Variants in PIK3CB observed in about 807,000 individuals in gnomAD.
The protein encoded by PIK3CB is phosphatidylinositol 4,5-bisphosphate 3-kinase catalytic subunit beta isoform.
A neutral mutation model predicts 136.8 loss-of-function variants in PIK3CB; 39 were observed. That is an observed-to-expected ratio of 0.29 (90% CI 0.22 to 0.37). PIK3CB has a LOEUF of 0.37. Among genes scored for constraint, PIK3CB ranks in the 10% least tolerant of loss-of-function variants. The pLI, the probability that PIK3CB is intolerant of heterozygous loss-of-function variation, is 1.00. For synonymous variants in PIK3CB, 428 were observed against 436.6 expected, an observed-to-expected ratio of 0.98 and a Z score of 0.25; for missense variants, 868 against 1,275.4, an observed-to-expected ratio of 0.68 and a Z score of 4.87.
intron 12 of PIK3CB, among the ~76,000 whole-genome samples, chr3:138,700,580 G>C (rs2044228762): frequency 1.3e-5 from 2 of 151,650 alleles, no homozygotes; most frequent in African/African-American, 4.8e-5. Context: ...TTAAAAAAAA[G>C]AAGAAAGAAA....
At chr3:138,662,267 C>G (rs1329838507) in intron 21 of PIK3CB, among the ~76,000 whole-genome samples, 1 of 118,090 alleles carries the variant, frequency 8.5e-6, no homozygotes, top group Non-Finnish European at 1.6e-5. Context: ...CCCGCTCCCC[C>G]CACCCCGCAA....
intron 1 of PIK3CB, among the ~76,000 whole-genome samples, chr3:138,804,477 T>G (rs2108849802): frequency 6.6e-6 from 1 of 152,206 alleles, no homozygotes. Flanking sequence ...ATCATGCCAC[T>G]GCACTCAGCC....
intron 1 of PIK3CB, among the ~76,000 whole-genome samples, chr3:138,799,014 A>G (rs1240395877): frequency 6.6e-6 from 1 of 151,852 alleles, no homozygotes; most frequent in Non-Finnish European, 1.5e-5. Flanking sequence ...TTGAGCCCAT[A>G]AGTTCAAGAC....
At chr3:138,779,995 T>C (rs1406215864) in intron 2 of PIK3CB, among the ~76,000 whole-genome samples, 2 of 152,184 alleles carry the variant, frequency 1.3e-5, no homozygotes, top group Admixed American at 6.5e-5. Context: ...TCTCGCTCTG[T>C]TGCCCAGGCT....
chr3:138,724,758 C>T (rs1429922767), intron 8 of PIK3CB, among the ~76,000 whole-genome samples: 1 of 152,158 alleles, frequency 6.6e-6, no homozygotes, highest in Non-Finnish European at 1.5e-5. Context: ...GCTCCTATCA[C>T]TCAGGAAATG....
chr3:138,824,808 G>A (rs1280305040), intron 1 of PIK3CB, among the ~76,000 whole-genome samples: 1 of 151,596 alleles, frequency 6.6e-6, no homozygotes. Flanking sequence ...CAGCTCTTTG[G>A]GAGGCCAAGC....
At chr3:138,684,915 C>T in intron 16 of PIK3CB, 112 bp from the exon 17 acceptor site, 1 of 614,406 alleles carries the variant, frequency 1.6e-6, no homozygotes, top group Non-Finnish European at 2.7e-6. Flanking sequence ...TAACCATAAA[C>T]ACACATAACC....
intron 6 of PIK3CB, among the ~76,000 whole-genome samples, chr3:138,737,394 C>CAAAAAAAAAAAAAAAAAAAAA (rs11344311): frequency 2.6e-5 from 1 of 39,066 alleles, no homozygotes. Flanking sequence ...CACTCTGTCT[C>CAAAAAAAAAAAAAAAAAAAAA]AAAAAAAAAA....
intron 8 of PIK3CB, among the ~76,000 whole-genome samples, chr3:138,730,043 A>G (rs2044936287): frequency 6.6e-6 from 1 of 152,202 alleles, no homozygotes; most frequent in Non-Finnish European, 1.5e-5. Context: ...CCTGTGTAGC[A>G]AGGTATATCT....
At chr3:138,690,961 A>G in intron 15 of PIK3CB, 39 bp downstream of exon 15, 1 of 1,530,722 alleles carries the variant, frequency 6.5e-7, no homozygotes, top group Non-Finnish European at 8.9e-7. Flanking sequence ...TAGTTACTAA[A>G]GCACCTGGTG....
intron 1 of PIK3CB, among the ~76,000 whole-genome samples, chr3:138,817,323 C>T (rs1363668459): frequency 1.3e-5 from 2 of 151,054 alleles, no homozygotes; most frequent in African/African-American, 2.4e-5. Context: ...TGGGCGACAG[C>T]GAGACTCCAT....
chr3:138,743,856 C>T (rs543239576), intron 4 of PIK3CB, among the ~76,000 whole-genome samples: 10 of 152,264 alleles, frequency 6.6e-5, no homozygotes, highest in East Asian at 1.9e-4. Context: ...TCACCATGCC[C>T]GGCCTACATG....
chr3:138,825,256 T>C (rs921429914), intron 1 of PIK3CB: 17 of 391,532 alleles, frequency 4.3e-5, no homozygotes, highest in African/African-American at 3.1e-4. Context: ...AACATGATTA[T>C]AGGGACATCT....
intron 16 of PIK3CB, among the ~76,000 whole-genome samples, chr3:138,685,522 A>C (rs1043186491): frequency 1.3e-5 from 2 of 151,838 alleles, no homozygotes; most frequent in Non-Finnish European, 2.9e-5. Context: ...AAACCAGTCC[A>C]TTTGGCCAAC....
At chr3:138,821,058 G>GGGT (rs1933537017) in intron 1 of PIK3CB, among the ~76,000 whole-genome samples, 1 of 151,478 alleles carries the variant, frequency 6.6e-6, no homozygotes, top group African/African-American at 2.4e-5. Context: ...AGGCTGAGGC[G>GGGT]GGCAGATCAC....
chr3:138,756,308 C>CA (rs929427375), intron 3 of PIK3CB, among the ~76,000 whole-genome samples: 132 of 151,888 alleles, frequency 8.7e-4, no homozygotes, highest in African/African-American at 2.8e-3. Context: ...GCATAGTGCA[C>CA]AAAAAATGCA....
chr3:138,657,571 C>T, intron 22 of PIK3CB, 119 bp downstream of exon 22: 1 of 868,236 alleles, frequency 1.2e-6, no homozygotes, highest in African/African-American at 1.8e-5. Flanking sequence ...CAAAAGCTTC[C>T]TATAATCAGA....
chr3:138,718,077 T>C (rs1385814960), intron 8 of PIK3CB, among the ~76,000 whole-genome samples: 5 of 152,212 alleles, frequency 3.3e-5, no homozygotes, highest in African/African-American at 1.2e-4. Flanking sequence ...GGTCAAATGG[T>C]AGTTCTGCTT....
chr3:138,700,692 A>AAGATAGATAGATAGATAGACAGATAGAT (rs1218565872), intron 12 of PIK3CB, among the ~76,000 whole-genome samples: 1 of 143,876 alleles, frequency 7.0e-6, no homozygotes, highest in African/African-American at 2.6e-5. Flanking sequence ...TGACTCTAAA[A>AAGATAGATAGATAGATAGACAGATAGAT]AGATAGATAG....
Sources: gnomAD v4.1 joint callset for allele counts (sites outside exome capture counted in the v4.1 genomes callset) on GRCh38, gnomAD v4.1.1 for gene constraint, MANE v1.5 for transcripts, NCBI Gene and HGNC (gene_info 2026-07-23, HGNC 2026-07-21) for gene names.